Variants in LIN7A observed in about 807,000 individuals in gnomAD.
LIN7A encodes the protein lin-7 cell polarity scaffold A.
LIN7A carries 25 observed loss-of-function variants against 29.8 expected under a neutral mutation model. The ratio of observed to expected loss-of-function variants is 0.84; its 90% CI spans 0.61 to 1.17. The LOEUF is 1.17. LIN7A is among the 50% of genes most tolerant of loss of function. The pLI, the probability that LIN7A is intolerant of heterozygous loss-of-function variation, is 0.00. For missense variants in LIN7A, 239 were observed against 287.0 expected (o/e 0.83, Z 1.21); for synonymous variants, 118 against 107.5 (o/e 1.10, Z -0.60).
In LIN7A at chr12:80,797,298, T is replaced by G. The variant is rs1870494805; in HGVS notation, c.*429A>C. ...GAGCAGGTGAGGGTAAGGAGCAATG[T>G]GTAGGTTTCACTTTGAACTGATGCA... On this transcript the variant is annotated 3_prime_UTR_variant, in exon 6 of 6. Coordinates refer to ENST00000552864, the MANE Select transcript of LIN7A (RefSeq NM_004664.4). 2 of 152,466 alleles carry G rather than the reference T, an allele frequency of 1.3e-5. No homozygotes were observed. The highest frequency in any genetic ancestry group is 1.3e-4 in the Admixed American group (2 of 15,260). 9.4% of individuals were successfully genotyped at this position (152,466 alleles called of 1,614,324 possible).
chr12:80,808,707 A>G (rs1871155690), intron 5 of LIN7A, among the ~76,000 whole-genome samples: 1 of 151,740 alleles, frequency 6.6e-6, no homozygotes, highest in Non-Finnish European at 1.5e-5. Flanking sequence ...AGGTTTCACC[A>G]TGTTAGCCAG....
chr12:80,870,450 A>G (rs1280098585), intron 2 of LIN7A, among the ~76,000 whole-genome samples: 4 of 152,188 alleles, frequency 2.6e-5, no homozygotes, highest in African/African-American at 9.7e-5. Flanking sequence ...GAACTGATAG[A>G]CATACAAATA....
chr12:80,856,870 A>C (rs1873627854), intron 2 of LIN7A, among the ~76,000 whole-genome samples: 2 of 152,216 alleles, frequency 1.3e-5, no homozygotes, highest in South Asian at 4.1e-4. Flanking sequence ...ACTCCACTGA[A>C]TTTGACGATT....
rs544602669 is a variant in LIN7A, at chr12:80,889,873, G to A, written c.83-504C>T. ...GGTTTGGTTACCATTGTATCCTCAG[G>A]GTATGGTATATTGTAGTGATTAAAA... On this transcript the variant is annotated intron_variant, in intron 1 of 5. Coordinates refer to ENST00000552864, the MANE Select transcript of LIN7A (RefSeq NM_004664.4). 5.3e-5 allele frequency among the ~76,000 whole-genome samples: 8 copies of A among 152,138 alleles called. No homozygotes were observed. The South Asian group carries it at 1.7e-3, about 32-fold the overall frequency.
intron 4 of LIN7A, among the ~76,000 whole-genome samples, chr12:80,825,879 G>A (rs1340749937): frequency 1.3e-5 from 2 of 152,106 alleles, no homozygotes; most frequent in Non-Finnish European, 2.9e-5. Flanking sequence ...TATCTAGCCT[G>A]TTTTATAATC....
intron 3 of LIN7A, among the ~76,000 whole-genome samples, chr12:80,847,518 T>C (rs768335902): frequency 2.6e-5 from 4 of 152,328 alleles, no homozygotes; most frequent in Admixed American, 6.5e-5. Context: ...GGTTATTTCT[T>C]ATACATTATT....
chr12:80,918,162 C>T (rs1877117774), intron 1 of LIN7A, among the ~76,000 whole-genome samples: 1 of 152,136 alleles, frequency 6.6e-6, no homozygotes, highest in Admixed American at 6.6e-5. Flanking sequence ...ATCCTCCCAC[C>T]TCAGCCTCCC....
chr12:80,921,689 A>T (rs1380601145), intron 1 of LIN7A, among the ~76,000 whole-genome samples: 6 of 152,080 alleles, frequency 3.9e-5, no homozygotes, highest in Admixed American at 3.9e-4. Context: ...CCATCACATT[A>T]GGGGCTAGGG....
intron 1 of LIN7A, among the ~76,000 whole-genome samples, chr12:80,925,103 A>T (rs1877510169): frequency 6.6e-6 from 1 of 152,226 alleles, no homozygotes; most frequent in African/African-American, 2.4e-5. Flanking sequence ...TTACTCAGCA[A>T]ATGTTTGAGC....
At chr12:80,894,735 A>T (rs969786650) in intron 1 of LIN7A, among the ~76,000 whole-genome samples, 1 of 152,190 alleles carries the variant, frequency 6.6e-6, no homozygotes, top group Non-Finnish European at 1.5e-5. Context: ...CACTCTACAG[A>T]TCACTGAGTT....
At chr12:80,937,531 C>G in intron 1 of LIN7A, 110 bp downstream of exon 1, 2 of 707,012 alleles carry the variant, frequency 2.8e-6, no homozygotes, top group East Asian at 6.8e-5. Flanking sequence ...GTCCTCGTTC[C>G]CCTTCTCCTC....
At chr12:80,917,375 G>T (rs1436077814) in intron 1 of LIN7A, among the ~76,000 whole-genome samples, 1 of 152,080 alleles carries the variant, frequency 6.6e-6, no homozygotes, top group Non-Finnish European at 1.5e-5. Context: ...AATGTCTCAG[G>T]AAATAAAAGC....
Position 80,793,442 on chromosome 12 carries a change from G to A in LIN7A, c.*4285C>T, listed in dbSNP as rs1438152929. On this transcript the variant is annotated 3_prime_UTR_variant, in exon 6 of 6. Coordinates refer to ENST00000552864, the MANE Select transcript of LIN7A (RefSeq NM_004664.4). ...AGGGAGTATTTCATGACTTCCATGG[G>A]GTGAGGAATTTTATTTTTTCTATCA... The A allele has an allele frequency of 6.6e-6, 1 of 152,106 alleles. No homozygotes were observed. Among genetic ancestry groups the A allele is most frequent in the East Asian group, 1.9e-4 (1 of 5,192 alleles). 9.4% of individuals were successfully genotyped at this position (152,106 alleles called of 1,614,324 possible). A position where few individuals can be genotyped will look rare whatever the true frequency, so the allele number is the denominator to read the frequency against.
chr12:80,836,921 A>G (rs981212603), intron 4 of LIN7A, among the ~76,000 whole-genome samples: 2 of 151,272 alleles, frequency 1.3e-5, no homozygotes, highest in African/African-American at 4.9e-5. Context: ...TTTTGGCTGC[A>G]TGTTTTCACG....
At chr12:80,843,293 C>T (rs779185602) in intron 4 of LIN7A, among the ~76,000 whole-genome samples, 11 of 152,106 alleles carry the variant, frequency 7.2e-5, no homozygotes, top group Non-Finnish European at 1.5e-4. Context: ...CTAAACTACC[C>T]TATTTTCAAC....
chr12:80,919,502 A>G (rs1877190958), intron 1 of LIN7A, among the ~76,000 whole-genome samples: 1 of 152,198 alleles, frequency 6.6e-6, no homozygotes, highest in Non-Finnish European at 1.5e-5. Context: ...GCAAGCACTC[A>G]CTGATTTTTT....
chr12:80,810,578 T>C (rs776877183), intron 5 of LIN7A, among the ~76,000 whole-genome samples: 1 of 152,200 alleles, frequency 6.6e-6, no homozygotes, highest in Non-Finnish European at 1.5e-5. Context: ...CTCTTTGACA[T>C]ATTGATTTCA....
Position 80,937,768 on chromosome 12 carries a change from G to T in LIN7A, c.-46C>A. ...AAAAAAAGGAGGAGATTGGGGGCGG[G>T]GGTGGAGAGGGAAGACGGAAAGGAG... On this transcript the variant is annotated 5_prime_UTR_variant, in exon 1 of 6. Coordinates refer to ENST00000552864, the MANE Select transcript of LIN7A (RefSeq NM_004664.4). 4.1e-6 allele frequency: 5 copies of T among 1,207,652 alleles called. No homozygotes were observed. The highest frequency in any genetic ancestry group is 3.6e-5 in the South Asian group (2 of 55,422). The allele number at this position is 1,207,652 out of a possible 1,614,324, so 74.8% of individuals were successfully genotyped here. A position where few individuals can be genotyped will look rare whatever the true frequency, so the allele number is the denominator to read the frequency against.
At chr12:80,908,935 G>A (rs190051513) in intron 1 of LIN7A, among the ~76,000 whole-genome samples, 228 of 151,554 alleles carry the variant, frequency 1.5e-3, no homozygotes, top group South Asian at 4.8e-3. Context: ...TCCTAATCTC[G>A]TCTTTTAATT....
Sources: gnomAD v4.1 joint callset for allele counts (sites outside exome capture counted in the v4.1 genomes callset) on GRCh38, gnomAD v4.1.1 for gene constraint, MANE v1.5 for transcripts, NCBI Gene and HGNC (gene_info 2026-07-23, HGNC 2026-07-21) for gene names.